Variants in SEMA3C observed in about 807,000 individuals in gnomAD.
SEMA3C encodes semaphorin-3C.
In SEMA3C, 47 loss-of-function variants were observed where a neutral mutation model predicts 89.4. The ratio of observed to expected loss-of-function variants is 0.53; its 90% CI spans 0.42 to 0.67. The LOEUF (loss-of-function observed/expected upper bound fraction) is 0.67. SEMA3C is among the 30% of genes least tolerant of loss of function. The probability of loss-of-function intolerance (pLI) is 0.00; values close to 1 mark genes in which losing one functional copy is unlikely to be tolerated. For synonymous variants in SEMA3C, 310 were observed against 320.2 expected, an observed-to-expected ratio of 0.97 and a Z score of 0.34; for missense variants, 839 against 929.1, an observed-to-expected ratio of 0.90 and a Z score of 1.26.
At chr7:80,784,070 A>AT (rs1788747955) in intron 12 of SEMA3C, among the ~76,000 whole-genome samples, 1 of 152,196 alleles carries the variant, frequency 6.6e-6, no homozygotes, top group Non-Finnish European at 1.5e-5. Context: ...ATTTTACAGA[A>AT]TGTCTCTGAA....
At chr7:80,786,371 A>G (rs2115563355) in intron 12 of SEMA3C, among the ~76,000 whole-genome samples, 1 of 152,024 alleles carries the variant, frequency 6.6e-6, no homozygotes, top group Non-Finnish European at 1.5e-5. Flanking sequence ...TGGAGAAAAT[A>G]CACATATTTC....
chr7:80,847,237 T>C (rs1230982425), intron 2 of SEMA3C: 1 of 152,166 alleles, frequency 6.6e-6, no homozygotes, highest in Non-Finnish European at 1.5e-5. Context: ...AGTGCTGCCA[T>C]ATTTTGGGTA....
intron 13 of SEMA3C, 126 bp from the exon 14 acceptor site, chr7:80,761,783 ATTAC>A (rs1788188771): frequency 1.8e-6 from 1 of 544,006 alleles, no homozygotes; most frequent in African/African-American, 2.0e-5. Context: ...CTACTTTAAA[ATTAC>A]TTGTTATATA....
intron 2 of SEMA3C, among the ~76,000 whole-genome samples, chr7:80,861,704 A>G (rs932333358): frequency 6.6e-6 from 1 of 152,190 alleles, no homozygotes; most frequent in Non-Finnish European, 1.5e-5. Flanking sequence ...ATTCTTCACC[A>G]ACCATTGTAC....
rs766049901 is a variant in SEMA3C at position 80,828,620 on chromosome 7, G to C, written c.229C>G (p.Leu77Val). ...YVGSKDHILS[L>V]NINNISQEAL... Reference sequence around the variant, plus strand: ...TCTTGACTTATATTGTTAATATTCAGGGAAAGAATGTGATCTTTGCTTCCC... The same window carrying C: ...TCTTGACTTATATTGTTAATATTCACGGAAAGAATGTGATCTTTGCTTCCC... Residue 77 changes from leucine (L) to valine (V), a missense_variant, in exon 3 of 18, where the codon CTG becomes GTG. Leu to Val is a conservative substitution (Grantham distance 32, BLOSUM62 1). Coordinates refer to ENST00000265361, the MANE Select transcript of SEMA3C (RefSeq NM_006379.5). 1.1e-5 allele frequency: 18 copies of C among 1,610,264 alleles called. No individual in the cohort carries two copies. In the South Asian group the frequency reaches 1.9e-4, roughly 17 times the overall value.
intron 2 of SEMA3C, among the ~76,000 whole-genome samples, chr7:80,910,951 A>T (rs1233737196): frequency 6.6e-6 from 1 of 151,970 alleles, no homozygotes; most frequent in Non-Finnish European, 1.5e-5. Context: ...GTGTATAATA[A>T]TTTTTTTCTA....
intron 15 of SEMA3C, among the ~76,000 whole-genome samples, chr7:80,757,495 T>TA (rs1788091197): frequency 6.6e-6 from 1 of 152,178 alleles, no homozygotes; most frequent in South Asian, 2.1e-4. Context: ...ACTCCAAGGA[T>TA]AAAGCATGGT....
intron 2 of SEMA3C, among the ~76,000 whole-genome samples, chr7:80,878,421 T>G (rs1224738110): frequency 6.6e-6 from 1 of 152,002 alleles, no homozygotes; most frequent in Non-Finnish European, 1.5e-5. Flanking sequence ...TGAATATAAT[T>G]TCACAAAGAC....
At chr7:80,804,638 T>C (rs1050175514) in intron 7 of SEMA3C, among the ~76,000 whole-genome samples, 5 of 152,174 alleles carry the variant, frequency 3.3e-5, no homozygotes, top group Non-Finnish European at 5.9e-5. Context: ...GTCCAAACTC[T>C]GAAAAACATG....
chr7:80,870,721 G>A (rs1791036096), intron 2 of SEMA3C, among the ~76,000 whole-genome samples: 1 of 152,160 alleles, frequency 6.6e-6, no homozygotes, highest in Non-Finnish European at 1.5e-5. Flanking sequence ...ATGAAGCATG[G>A]GGGTTTAGCA....
intron 2 of SEMA3C, among the ~76,000 whole-genome samples, chr7:80,885,474 A>C (rs1268005280): frequency 6.6e-6 from 1 of 151,948 alleles, no homozygotes; most frequent in African/African-American, 2.4e-5. Context: ...AAAATTAGCC[A>C]GGCATGGTGG....
chr7:80,916,522 T>A (rs1173749904), intron 2 of SEMA3C, among the ~76,000 whole-genome samples, 157 bp downstream of exon 2: 3 of 151,982 alleles, frequency 2.0e-5, no homozygotes, highest in African/African-American at 4.8e-5. Flanking sequence ...TATTAACCAA[T>A]CATTTAAAAT....
intron 6 of SEMA3C, among the ~76,000 whole-genome samples, chr7:80,807,570 T>C (rs1789371659): frequency 6.6e-6 from 1 of 152,200 alleles, no homozygotes; most frequent in African/African-American, 2.4e-5. Flanking sequence ...GCCTTTTAGC[T>C]TTATTTCAAA....
intron 2 of SEMA3C, among the ~76,000 whole-genome samples, chr7:80,893,967 TTTAA>T (rs1430004769): frequency 6.6e-6 from 1 of 152,194 alleles, no homozygotes; most frequent in African/African-American, 2.4e-5. Flanking sequence ...ATTCCTCTAC[TTTAA>T]TTACCATTTC....
At chr7:80,840,518 GAAAAAAAAAAAAAA>G (rs1171113816) in intron 2 of SEMA3C, among the ~76,000 whole-genome samples, 3 of 82,544 alleles carry the variant, frequency 3.6e-5, no homozygotes, top group African/African-American at 9.9e-5. Flanking sequence ...CTGTCTCCAG[GAAAAAAAAAAAAAA>G]AAAAAAAAAA....
chr7:80,748,450 A>G (rs3823476), intron 17 of SEMA3C, among the ~76,000 whole-genome samples: 1 of 152,318 alleles, frequency 6.6e-6, no homozygotes, highest in Non-Finnish European at 1.5e-5. Flanking sequence ...CAATGGAAAC[A>G]GATTACCACA....
intron 2 of SEMA3C, among the ~76,000 whole-genome samples, chr7:80,843,539 A>T (rs1384914271): frequency 6.6e-6 from 1 of 152,166 alleles, no homozygotes; most frequent in Admixed American, 6.6e-5. Flanking sequence ...AGAAAAAAAT[A>T]CCTATCTCAT....
chr7:80,903,971 G>C (rs1791946827), intron 2 of SEMA3C, among the ~76,000 whole-genome samples: 1 of 152,070 alleles, frequency 6.6e-6, no homozygotes, highest in African/African-American at 2.4e-5. Context: ...TAGACACAGA[G>C]GGCATCTATT....
intron 12 of SEMA3C, among the ~76,000 whole-genome samples, chr7:80,766,070 A>G (rs1278367142): frequency 6.6e-6 from 1 of 152,230 alleles, no homozygotes; most frequent in African/African-American, 2.4e-5. Flanking sequence ...TGTAACTGTG[A>G]TGGACTTTCG....
Sources: gnomAD v4.1 joint callset for allele counts (sites outside exome capture counted in the v4.1 genomes callset) on GRCh38, gnomAD v4.1.1 for gene constraint, MANE v1.5 for transcripts, NCBI Gene and HGNC (gene_info 2026-07-23, HGNC 2026-07-21) for gene names.